The following TMEM130 variants were observed in gnomAD, a reference collection of about 807,000 sequenced individuals.
The protein encoded by TMEM130 is transmembrane protein 130.
A neutral mutation model predicts 42.9 loss-of-function variants in TMEM130; 37 were observed. That is an observed-to-expected ratio of 0.86 (90% CI 0.66 to 1.13). The LOEUF (loss-of-function observed/expected upper bound fraction) is 1.13, where lower values mean the gene tolerates loss of function less well. Among genes scored for constraint, TMEM130 ranks in the 50% most tolerant of loss-of-function variants. The pLI, the probability that TMEM130 is intolerant of heterozygous loss-of-function variation, is 0.00. For synonymous variants in TMEM130, 259 were observed against 237.7 expected (o/e 1.09, Z -0.82); for missense variants, 545 against 562.6 (o/e 0.97, Z 0.32).
At chr7:98,851,281 G>C (rs747689649) in intron 6 of TMEM130, 140 bp downstream of exon 6, 5 of 809,350 alleles carry the variant, frequency 6.2e-6, no homozygotes, top group Non-Finnish European at 1.0e-5. Flanking sequence ...GTGGGGTTAT[G>C]GATGGTGCTG....
intron 5 of TMEM130, among the ~76,000 whole-genome samples, 172 bp from the exon 6 acceptor site, chr7:98,851,795 A>G (rs1271871027): frequency 6.6e-6 from 1 of 152,132 alleles, no homozygotes; most frequent in Non-Finnish European, 1.5e-5. Flanking sequence ...ACTATGGTGC[A>G]AAAGAGATGG....
rs1554401106 is a variant in TMEM130 at position 98,869,832 on chromosome 7, G to C, written c.30C>G (p.Gly10=). The stretch of plus-strand genomic sequence containing the variant: ...GGAGGCAGGCAAGCCAGAGGATGCG[G>C]CCGAGGCGCGACCACACTGCCTGGG... MAQAVWSRL[G]RILWLACLLP... The change falls in exon 1 of 8, where the codon GGC becomes GGG. Residue 10 remains glycine (G), a synonymous_variant. Coordinates refer to ENST00000339375, the MANE Select transcript of TMEM130 (RefSeq NM_152913.3). This position sits in a 1 kb window ranked among gnomAD's most constrained non-coding sequence, Gnocchi z 4.7. 3 of 1,446,824 alleles carry C rather than the reference G, an allele frequency of 2.1e-6. No homozygotes were observed. The highest frequency in any genetic ancestry group is 2.5e-5 in the Admixed American group (1 of 39,338). 89.6% of individuals were successfully genotyped at this position (1,446,824 alleles called of 1,614,324 possible).
At chr7:98,868,457 T>C (rs1794958839) in intron 1 of TMEM130, among the ~76,000 whole-genome samples, 1 of 152,092 alleles carries the variant, frequency 6.6e-6, no homozygotes, top group African/African-American at 2.4e-5. Context: ...TTCTAGAAAA[T>C]GGCTACACCA....
intron 1 of TMEM130, among the ~76,000 whole-genome samples, chr7:98,864,381 CT>C (rs77399182): frequency 2.3e-3 from 319 of 137,890 alleles, no homozygotes; most frequent in Middle Eastern, 3.8e-3. Flanking sequence ...TGATTTTTTT[CT>C]TTTTTTTTTT....
At position 98,869,194 on chromosome 7, in the gene TMEM130, C is replaced by T; in HGVS notation, c.85+583G>A. The T allele has an allele frequency of 7.8e-7, 1 of 1,284,758 alleles. No homozygotes were observed. The highest frequency in any genetic ancestry group is 1.0e-6 in the Non-Finnish European group (1 of 986,266). 79.6% of individuals were successfully genotyped at this position (1,284,758 alleles called of 1,614,324 possible). On this transcript the variant is annotated intron_variant, in intron 1 of 7. Coordinates refer to ENST00000339375, the MANE Select transcript of TMEM130 (RefSeq NM_152913.3). The surrounding 1 kb of genome is among the most constrained non-coding windows in gnomAD (Gnocchi z 4.7). ...ACCCTGCTTCCCCCACTCCCCCACC[C>T]ACACACACACCCCAGGAACCTGTCA...
intron 3 of TMEM130, among the ~76,000 whole-genome samples, chr7:98,857,260 T>C (rs568087601): frequency 1.1e-4 from 17 of 152,282 alleles, no homozygotes; most frequent in Admixed American, 9.8e-4. Flanking sequence ...GTTAGAACTT[T>C]CAGGATAATA....
In TMEM130 at chr7:98,860,298, G is replaced by A. The variant is rs782374510; in HGVS notation, c.432C>T (p.Ser144=). The change falls in exon 3 of 8, where the codon TCC becomes TCT. Residue 144 remains serine (S), a synonymous_variant. Coordinates refer to ENST00000339375, the MANE Select transcript of TMEM130 (RefSeq NM_152913.3). ...TGAGATAGGAGCTGGGCCAGGGTAG[G>A]GAAGTGTTCTGGGTGACAACAAGGT... is the stretch of plus-strand genomic sequence containing the variant. ...VGDLVVTQNT[S]LPWPSSYLTK... 3.7e-6 allele frequency: 6 copies of A among 1,611,806 alleles called. No homozygotes were observed. The East Asian group carries it at 8.9e-5, about 24-fold the overall frequency.
chr7:98,855,591 G>A (rs552664013), intron 4 of TMEM130, among the ~76,000 whole-genome samples: 20 of 152,340 alleles, frequency 1.3e-4, no homozygotes, highest in African/African-American at 4.3e-4. Flanking sequence ...TGTCACACAG[G>A]AGAGCACCAT....
chr7:98,850,856 T>C (rs1227002474), intron 6 of TMEM130, among the ~76,000 whole-genome samples: 15 of 152,126 alleles, frequency 9.9e-5, no homozygotes, highest in African/African-American at 3.6e-4. Flanking sequence ...ACTGCAATCA[T>C]GGTGGCTCAT....
chr7:98,851,005 G>A (rs1187879418), intron 6 of TMEM130, among the ~76,000 whole-genome samples: 1 of 152,156 alleles, frequency 6.6e-6, no homozygotes, highest in Non-Finnish European at 1.5e-5. Context: ...GTAGGGTCGG[G>A]GTCATTGAGG....
intron 6 of TMEM130, 46 bp from the exon 7 acceptor site, chr7:98,848,741 A>G (rs1051396617): frequency 7.8e-7 from 1 of 1,289,714 alleles, no homozygotes; most frequent in South Asian, 1.2e-5. Flanking sequence ...AGCTGGTACT[A>G]CAGTGCTGGT....
intron 5 of TMEM130, among the ~76,000 whole-genome samples, chr7:98,852,234 G>A (rs1467135990): frequency 8.6e-5 from 13 of 151,794 alleles, no homozygotes; most frequent in Middle Eastern, 6.8e-3. Flanking sequence ...TTCACCTCCC[G>A]GGTTCGAGCC....
At chr7:98,861,198 C>A (rs1229651668) in intron 2 of TMEM130, among the ~76,000 whole-genome samples, 4 of 151,062 alleles carry the variant, frequency 2.6e-5, no homozygotes, top group Admixed American at 1.3e-4. Flanking sequence ...ATTAGCCAGG[C>A]ATGGTAGCGG....
chr7:98,861,573 G>T (rs905163270), intron 2 of TMEM130, among the ~76,000 whole-genome samples: 3 of 151,948 alleles, frequency 2.0e-5, no homozygotes. Flanking sequence ...AAATTAGCTG[G>T]GTGTGGTGGC....
rs782705840 is a variant in TMEM130, at chr7:98,863,389, G to A, written c.97C>T (p.Leu33Phe). 1 of 1,590,774 alleles carries A rather than the reference G, an allele frequency of 6.3e-7. No individual in the cohort carries two copies. The highest frequency in any genetic ancestry group is 8.5e-7 in the Non-Finnish European group (1 of 1,172,008). ...PAGVAAGLYELNLTTDSPATT... is the reference protein window; with the variant it reads ...PAGVAAGLYEFNLTTDSPATT... ...GCAGGGCTATCGGTGGTGAGATTGAGTTCATACAGGCCTAGGAGCCCAGAA... is the reference window on the plus strand; with the variant it reads ...GCAGGGCTATCGGTGGTGAGATTGAATTCATACAGGCCTAGGAGCCCAGAA... Residue 33 changes from leucine (L) to phenylalanine (F), a missense_variant, in exon 2 of 8, where the codon CTC becomes TTC. Coordinates refer to ENST00000339375, the MANE Select transcript of TMEM130 (RefSeq NM_152913.3).
chr7:98,858,800 T>C (rs782451868), intron 3 of TMEM130, among the ~76,000 whole-genome samples: 2 of 151,980 alleles, frequency 1.3e-5, no homozygotes, highest in Non-Finnish European at 2.9e-5. Context: ...GGCAGTGATC[T>C]ATAATCACAC....
intron 4 of TMEM130, among the ~76,000 whole-genome samples, chr7:98,855,575 C>T (rs1013433147): frequency 1.3e-5 from 2 of 152,220 alleles, no homozygotes; most frequent in Admixed American, 6.5e-5. Flanking sequence ...GCCAAGTCAT[C>T]GTCTGTGTCA....
rs1794399388 is a variant in TMEM130, at chr7:98,848,059, C to T, written c.1269G>A (p.Val423=). The T allele has an allele frequency of 3.1e-6, 5 of 1,613,064 alleles. No individual in the cohort carries two copies. The highest frequency in any genetic ancestry group is 3.4e-6 in the Non-Finnish European group (4 of 1,179,444). Residue 423 remains valine, a synonymous_variant, in exon 8 of 8, where the codon GTG becomes GTA. Transcript: ENST00000339375. ...ATGGGGTGGGGAGGGGGAGTGCTCA[C>T]ACGGTGTAAGTTTTGACAGACTTAT... ...PLYKSVKTYT[V]
intron 4 of TMEM130, 87 bp from the exon 5 acceptor site, chr7:98,855,411 C>T (rs1161130727): frequency 8.3e-7 from 1 of 1,206,098 alleles, no homozygotes; most frequent in Non-Finnish European, 1.2e-6. Context: ...GACTGCCACC[C>T]TGTCCTCCCC....
Sources: allele counts gnomAD v4.1 joint callset (sites outside exome capture counted in the v4.1 genomes callset), GRCh38; gene constraint gnomAD v4.1.1; non-coding constraint Gnocchi (gnomAD v3.1); transcripts MANE v1.5; gene names NCBI Gene and HGNC (gene_info 2026-07-23, HGNC 2026-07-21).